Variants in MRTFB observed in about 807,000 individuals in gnomAD.
MRTFB encodes myocardin-related transcription factor B.
Under a neutral mutation model 104.2 loss-of-function variants are expected in MRTFB, and 29 were observed. The observed-to-expected ratio is 0.28, with a 90% CI of 0.21 to 0.38. The LOEUF (loss-of-function observed/expected upper bound fraction) is 0.38. MRTFB is among the 10% of genes least tolerant of loss of function. MRTFB has a pLI of 1.00. For missense variants in MRTFB, 1,270 were observed against 1,341.6 expected (o/e 0.95, Z 0.83); for synonymous variants, 535 against 519.5 (o/e 1.03, Z -0.41).
At chr16:14,044,752 G>T in the MRTFB span, among the ~76,000 whole-genome samples, 2 of 152,158 alleles carry the variant, frequency 1.3e-5, no homozygotes, top group African/African-American at 2.4e-5. Context: ...TGTCATTTCA[G>T]ATTTCCTTCC....
At chr16:14,198,374 C>A (rs74432724) in intron 3 of MRTFB, among the ~76,000 whole-genome samples, 5,096 of 152,212 alleles carry the variant, frequency 0.033, 142 homozygotes, top group Non-Finnish European at 0.047. Flanking sequence ...TTGTTATAAA[C>A]TAAAATTATA....
At position 14,261,122 on chromosome 16, in the gene MRTFB, C is replaced by A. The variant is rs765148982; in HGVS notation, c.2978C>A (p.Ala993Asp). 1.2e-5 allele frequency: 19 copies of A among 1,614,220 alleles called. No individual in the cohort carries two copies. In the South Asian group the frequency reaches 1.9e-4, roughly 16 times the overall value. ...TTCTTGGATGGAACTTTACCCTCAG[C>A]CAATGAAATTCCTCCACTACAAAGC... ...EAFLDGTLPS[A>D]NEIPPLQSSS... is the part of the protein sequence containing the mutation. The change falls in exon 17 of 17, where the codon GCC (alanine) becomes GAC (aspartate). Residue 993 changes from alanine (A) to aspartate (D), a missense_variant. Transcript: ENST00000571589.
intron 2 of MRTFB, among the ~76,000 whole-genome samples, chr16:14,085,681 T>A (rs2034665831): frequency 6.6e-6 from 1 of 152,048 alleles, no homozygotes; most frequent in Non-Finnish European, 1.5e-5. Context: ...CCACATTGTG[T>A]TTGAAGGAAT....
the MRTFB span, among the ~76,000 whole-genome samples, chr16:14,021,586 C>G: frequency 6.6e-6 from 1 of 152,130 alleles, no homozygotes. Context: ...CCCACCCTTT[C>G]CCTCTGAGTC....
Position 14,252,014 on chromosome 16 carries a change from A to T in MRTFB, c.2556A>T (p.Thr852=). Residue 852 remains threonine (T), a synonymous_variant, in exon 14 of 17, where the codon ACA becomes ACT. Transcript: ENST00000571589. ...PLPSLQNGPN[T]PNKPSSPPPP... is the part of the protein sequence containing the mutation. ...CATCCCTGCAAAATGGACCTAACAC[A>T]CCCAACAAGGTAACCCTGTGAGGCT... 6.2e-7 allele frequency: 1 copy of T among 1,614,066 alleles called. No individual in the cohort carries two copies.
At chr16:14,229,260 T>C (rs1354102525) in intron 8 of MRTFB, among the ~76,000 whole-genome samples, 1 of 152,208 alleles carries the variant, frequency 6.6e-6, no homozygotes, top group Non-Finnish European at 1.5e-5. Flanking sequence ...TAGTCAGTGC[T>C]AGGTGATACA....
chr16:14,242,016 A>G (rs2042795335), intron 10 of MRTFB, among the ~76,000 whole-genome samples: 1 of 149,766 alleles, frequency 6.7e-6, no homozygotes, highest in South Asian at 2.1e-4. Context: ...TAATAATGGT[A>G]ATGATGTCTC....
chr16:14,204,563 A>G (rs1168865197), intron 3 of MRTFB, among the ~76,000 whole-genome samples: 3 of 152,238 alleles, frequency 2.0e-5, no homozygotes, highest in Non-Finnish European at 2.9e-5. Context: ...AGCAAATTCA[A>G]AACACCTCTA....
intron 2 of MRTFB, among the ~76,000 whole-genome samples, chr16:14,083,155 G>A (rs561579735): frequency 9.3e-5 from 14 of 151,280 alleles, no homozygotes; most frequent in African/African-American, 1.7e-4. Flanking sequence ...TTTTCAGATA[G>A]TTCGTTGTTA....
At chr16:14,133,194 A>G (rs368583268) in intron 2 of MRTFB, among the ~76,000 whole-genome samples, 5 of 152,234 alleles carry the variant, frequency 3.3e-5, no homozygotes, top group African/African-American at 1.2e-4. Context: ...CACATCTGTA[A>G]AGAGACAAGA....
the MRTFB span, among the ~76,000 whole-genome samples, chr16:13,998,871 CAAAAAAAAAAAAAAAAAAAAA>C: frequency 0.18 from 5,291 of 29,696 alleles, 251 homozygotes; most frequent in Middle Eastern, 0.32. Flanking sequence ...GACTCTGTTT[CAAAAAAAAAAAAAAAAAAAAA>C]AAAAAAAAAA....
chr16:14,133,473 T>G (rs115055178), intron 2 of MRTFB, among the ~76,000 whole-genome samples: 1,895 of 152,298 alleles, frequency 0.012, 36 homozygotes, highest in African/African-American at 0.042. Flanking sequence ...CAAACTACAT[T>G]TTTTTCATGT....
chr16:14,075,057 A>G (rs1382460405), intron 1 of MRTFB, among the ~76,000 whole-genome samples: 1 of 152,216 alleles, frequency 6.6e-6, no homozygotes, highest in Admixed American at 6.5e-5. Flanking sequence ...CTTATAAATG[A>G]AAGTTTTCTC....
intron 2 of MRTFB, among the ~76,000 whole-genome samples, chr16:14,104,629 A>G (rs1270513322): frequency 6.6e-6 from 1 of 152,216 alleles, no homozygotes; most frequent in East Asian, 1.9e-4. Context: ...GAATCCAAAC[A>G]AAAAAATGAG....
At chr16:14,089,973 GGAC>G (rs1373347106) in intron 2 of MRTFB, among the ~76,000 whole-genome samples, 33 of 152,086 alleles carry the variant, frequency 2.2e-4, no homozygotes, top group African/African-American at 8.0e-4. Flanking sequence ...TTTTTAAAAT[GGAC>G]TGTCTTTTTA....
chr16:14,165,561 C>G (rs1250473478), intron 3 of MRTFB, among the ~76,000 whole-genome samples: 1 of 152,196 alleles, frequency 6.6e-6, no homozygotes, highest in African/African-American at 2.4e-5. Flanking sequence ...ACTACTCACT[C>G]TTTGCCATAC....
chr16:14,190,503 CAT>C (rs2040132260), intron 3 of MRTFB, among the ~76,000 whole-genome samples: 1 of 152,074 alleles, frequency 6.6e-6, no homozygotes, highest in African/African-American at 2.4e-5. Flanking sequence ...ATAAATGAAT[CAT>C]AATTCTAATG....
chr16:14,248,079 A>G (rs2043100349), intron 12 of MRTFB: 11 of 152,950 alleles, frequency 7.2e-5, no homozygotes, highest in Admixed American at 7.2e-4. Context: ...AGATGTCTAA[A>G]CTAAGGAAAA....
chr16:14,219,096 T>C, intron 8 of MRTFB, 98 bp downstream of exon 8: 1 of 1,214,138 alleles, frequency 8.2e-7, no homozygotes. Context: ...AAATTCTGAA[T>C]TGAATTTAAA....
Sources: allele counts gnomAD v4.1 joint callset (sites outside exome capture counted in the v4.1 genomes callset), GRCh38; gene constraint gnomAD v4.1.1; transcripts MANE v1.5; gene names NCBI Gene and HGNC (gene_info 2026-07-23, HGNC 2026-07-21).